Variants in TRDN observed in about 807,000 individuals in gnomAD.
TRDN encodes triadin, also known as triadin in skeletal muscle.
In TRDN, 161 loss-of-function variants were observed where a neutral mutation model predicts 149.7. The ratio of observed to expected loss-of-function variants is 1.08; its 90% CI spans 0.95 to 1.23. The LOEUF (loss-of-function observed/expected upper bound fraction) is 1.23. TRDN is among the 50% of genes most tolerant of loss of function. TRDN has a pLI of 0.00. For synonymous variants in TRDN, 294 were observed against 250.5 expected (o/e 1.17, Z -1.64); for missense variants, 896 against 823.5 (o/e 1.09, Z -1.08).
At chr6:123,635,243 A>C (rs1366220689) in intron 1 of TRDN, among the ~76,000 whole-genome samples, 1 of 151,908 alleles carries the variant, frequency 6.6e-6, no homozygotes, top group Non-Finnish European at 1.5e-5. Context: ...GGAATAGGAA[A>C]AATGCTATTT....
At chr6:123,539,253 G>A (rs1172591035) in intron 4 of TRDN, among the ~76,000 whole-genome samples, 1 of 152,134 alleles carries the variant, frequency 6.6e-6, no homozygotes, top group African/African-American at 2.4e-5. Flanking sequence ...AGAGTCATTA[G>A]GGATCTTAAA....
chr6:123,630,769 C>T lies in TRDN; in HGVS notation c.22+5985G>A, dbSNP rs892011538. ...TGACACTACACAGCTATATTTTCTG[C>T]TCATTGTCACTGCAAATTTTGTATC... On this transcript the variant is annotated intron_variant, in intron 1 of 40. Transcript: ENST00000334268. 2.6e-5 allele frequency among the ~76,000 whole-genome samples: 4 copies of T among 152,050 alleles called. No individual in the cohort carries two copies. The South Asian group carries it at 8.3e-4, about 31-fold the overall frequency.
chr6:123,304,468 G>T (rs189563561), intron 24 of TRDN, among the ~76,000 whole-genome samples: 1 of 151,842 alleles, frequency 6.6e-6, no homozygotes, highest in Non-Finnish European at 1.5e-5. Flanking sequence ...TGGCCAGGAT[G>T]GTCTGGATCT....
chr6:123,444,986 T>C (rs1389201901), intron 10 of TRDN: 4 of 152,274 alleles, frequency 2.6e-5, no homozygotes, highest in Admixed American at 2.0e-4. Context: ...ATTCTCTTTT[T>C]TGGTTGTGTC....
At chr6:123,537,086 A>G (rs1367094898) in intron 4 of TRDN, among the ~76,000 whole-genome samples, 4 of 152,170 alleles carry the variant, frequency 2.6e-5, no homozygotes, top group Non-Finnish European at 5.9e-5. Context: ...TAGATAAACT[A>G]TAAGTAAGTA....
intron 12 of TRDN, among the ~76,000 whole-genome samples, chr6:123,409,222 T>TGA (rs1491076845): frequency 2.0e-5 from 3 of 152,210 alleles, no homozygotes; most frequent in Non-Finnish European, 4.4e-5. Context: ...CTTGAAAACC[T>TGA]ATAAAGTTCA....
At position 123,602,156 on chromosome 6, in the gene TRDN, AG is replaced by A. The variant is rs562752871; in HGVS notation, c.23-31025del. 1.6e-4 allele frequency among the ~76,000 whole-genome samples: 25 copies of A among 152,236 alleles called. No individual in the cohort carries two copies. The East Asian group carries it at 4.6e-3, about 28-fold the overall frequency. On this transcript the variant is annotated intron_variant, in intron 1 of 40. Coordinates refer to ENST00000334268, the MANE Select transcript of TRDN (RefSeq NM_006073.4). The stretch of plus-strand genomic sequence containing the variant: ...ATTTGAATCTGTTTTTTAAAAAATA[AG>A]TTTGAATAAAAATATATAACCAACC...
intron 9 of TRDN, among the ~76,000 whole-genome samples, chr6:123,472,741 G>A (rs924320923): frequency 6.6e-6 from 1 of 152,138 alleles, no homozygotes; most frequent in Non-Finnish European, 1.5e-5. Flanking sequence ...ATCTGAGAAC[G>A]GGCAGAGAAC....
chr6:123,585,200 A>G (rs963173704), intron 1 of TRDN, among the ~76,000 whole-genome samples: 2 of 150,300 alleles, frequency 1.3e-5, no homozygotes, highest in Admixed American at 6.7e-5. Flanking sequence ...GAAGGGCAGC[A>G]ATGAGATGTA....
intron 10 of TRDN, 135 bp downstream of exon 10, chr6:123,464,771 T>C: frequency 7.0e-7 from 1 of 1,422,230 alleles, no homozygotes; most frequent in Non-Finnish European, 9.2e-7. Context: ...AGGAAAAGTA[T>C]AGTTTAGACA....
intron 38 of TRDN, among the ~76,000 whole-genome samples, chr6:123,241,051 T>C (rs1775970622): frequency 6.6e-6 from 1 of 151,900 alleles, no homozygotes; most frequent in Non-Finnish European, 1.5e-5. Context: ...TTAAGAAGAT[T>C]AGTTGTTTTC....
chr6:123,541,705 A>G (rs1392724453), intron 4 of TRDN, among the ~76,000 whole-genome samples: 2 of 152,192 alleles, frequency 1.3e-5, no homozygotes, highest in Non-Finnish European at 2.9e-5. Flanking sequence ...TGTATACTTA[A>G]CAATGTTACT....
rs948218381 is a variant in TRDN, at chr6:123,217,131, C to G, written c.*1470G>C. 1 of 151,924 alleles carries G rather than the reference C, an allele frequency of 6.6e-6. No individual in the cohort carries two copies. The highest frequency in any genetic ancestry group is 1.5e-5 in the Non-Finnish European group (1 of 67,924). The allele number at this position is 151,924 out of a possible 1,614,324, so 9.4% of individuals were successfully genotyped here. On this transcript the variant is annotated 3_prime_UTR_variant, in exon 41 of 41. Transcript: ENST00000334268. ...ATCTGGTTCATGTGACACTGGCTTTCGTGGTGTGAATGTGGTCCACCAGCT... is the reference window on the plus strand; with the variant it reads ...ATCTGGTTCATGTGACACTGGCTTTGGTGGTGTGAATGTGGTCCACCAGCT...
At chr6:123,331,119 T>C (rs1419277299) in intron 23 of TRDN, among the ~76,000 whole-genome samples, 1 of 152,110 alleles carries the variant, frequency 6.6e-6, no homozygotes, top group Non-Finnish European at 1.5e-5. Flanking sequence ...CCAGGAAATA[T>C]TAGACAACTC....
intron 35 of TRDN, among the ~76,000 whole-genome samples, chr6:123,256,725 G>A (rs1776576869): frequency 6.6e-6 from 1 of 151,280 alleles, no homozygotes; most frequent in Non-Finnish European, 1.5e-5. Context: ...TTATCCCTTT[G>A]TCATATAAAT....
chr6:123,535,956 A>G (rs1780507205), intron 4 of TRDN, among the ~76,000 whole-genome samples: 2 of 152,178 alleles, frequency 1.3e-5, no homozygotes, highest in South Asian at 4.1e-4. Flanking sequence ...ATTAAAATAC[A>G]GCTTAATGTT....
intron 24 of TRDN, 28 bp from the exon 25 acceptor site, chr6:123,279,110 G>C (rs766127181): frequency 1.3e-6 from 2 of 1,580,316 alleles, no homozygotes; most frequent in South Asian, 2.3e-5. Context: ...AATTATTAAA[G>C]GCTGAGTCAT....
Position 123,287,523 on chromosome 6 carries a change from G to A in TRDN, c.1511-8441C>T, listed in dbSNP as rs186627378. Among the ~76,000 whole-genome samples, 1,052 of 152,168 alleles carry A rather than the reference G, an allele frequency of 6.9e-3. 8 individuals are homozygous for A. The highest frequency in any genetic ancestry group is 0.01 in the Non-Finnish European group (701 of 67,992). On this transcript the variant is annotated intron_variant, in intron 24 of 40. Transcript: ENST00000334268. ...TTTAAGAGCATTCATGTAACACAAA[G>A]GAATGGCTGTTTGTCACAATTCTGA...
chr6:123,327,406 GATATTTT>G (rs1444609580), intron 23 of TRDN, among the ~76,000 whole-genome samples: 1 of 151,882 alleles, frequency 6.6e-6, no homozygotes, highest in Non-Finnish European at 1.5e-5. Context: ...AAATACCGTT[GATATTTT>G]TTATATGAAT....
Sources: gnomAD v4.1 joint callset for allele counts (sites outside exome capture counted in the v4.1 genomes callset) on GRCh38, gnomAD v4.1.1 for gene constraint, MANE v1.5 for transcripts, NCBI Gene and HGNC (gene_info 2026-07-23, HGNC 2026-07-21) for gene names.